The following RS1 variants were observed in gnomAD, a reference collection of about 807,000 sequenced individuals.
RS1 encodes retinoschisin 1.
A neutral mutation model predicts 20.8 loss-of-function variants in RS1; 2 were observed. That is an observed-to-expected ratio of 0.10 (90% CI 0.04 to 0.30). RS1 has a LOEUF of 0.30. RS1 is among the 10% of genes least tolerant of loss of function. The pLI, the probability that RS1 is intolerant of heterozygous loss-of-function variation, is 1.00. For synonymous variants in RS1, 70 were observed against 75.8 expected, an observed-to-expected ratio of 0.92 and a Z score of 0.40; for missense variants, 151 against 189.8, an observed-to-expected ratio of 0.80 and a Z score of 1.20.
intron 1 of RS1, among the ~76,000 whole-genome samples, chrX:18,666,973 C>G: frequency 9.0e-6 from 1 of 111,206 alleles, no homozygotes. Flanking sequence ...AGGGGACACC[C>G]CAGTGTTGAA....
intron 2 of RS1, 89 bp downstream of exon 2, chrX:18,657,551 C>A: frequency 1.4e-6 from 1 of 725,101 alleles, no homozygotes; most frequent in African/African-American, 2.1e-5. Context: ...CATTTAAAAA[C>A]AAAGTGATAG....
At chrX:18,670,517 G>A (rs752755067) in intron 1 of RS1, among the ~76,000 whole-genome samples, 1 of 110,748 alleles carries the variant, frequency 9.0e-6, no homozygotes, top group Non-Finnish European at 1.9e-5. Flanking sequence ...ATGAGCCACC[G>A]CGCCCCGCCG....
At position 18,641,316 on chromosome X, in the gene RS1, C is replaced by T. The variant is rs1052865204; in HGVS notation, c.*688G>A. On this transcript the variant is annotated 3_prime_UTR_variant, in exon 6 of 6. Coordinates refer to ENST00000379984, the MANE Select transcript of RS1 (RefSeq NM_000330.4). ...GCATAATGGAGCTGTGTGTATTGGG[C>T]GCTCTGGTCCCTCCCCAATCCCTGT... The T allele has an allele frequency of 1.8e-5, 2 of 113,348 alleles. No homozygotes were observed. The highest frequency in any genetic ancestry group is 6.5e-5 in the African/African-American group (2 of 30,756). The allele number at this position is 113,348 out of a possible 1,213,427, so 9.3% of individuals were successfully genotyped here.
Position 18,648,175 on chromosome X carries a change from A to G in RS1, c.185-843T>C, listed in dbSNP as rs942258145. 3.6e-5 allele frequency among the ~76,000 whole-genome samples: 4 copies of G among 110,881 alleles called. 1 individual carries two copies. The highest frequency in any genetic ancestry group is 1.3e-4 in the African/African-American group (4 of 30,516). On this transcript the variant is annotated intron_variant, in intron 3 of 5. Transcript: ENST00000379984. ...CGAGGTGGTGCCTGCAGTGGCAGGC[A>G]CAGTGTCGAGTTACCTGGTCAGAGG...
chrX:18,646,117 A>G, intron 4 of RS1: 2 of 1,211,214 alleles, frequency 1.7e-6, no homozygotes, highest in Non-Finnish European at 2.2e-6. Context: ...GCATGCCATC[A>G]AGCTGCCATA....
intron 1 of RS1, among the ~76,000 whole-genome samples, chrX:18,659,794 C>A (rs1211860914): frequency 9.0e-6 from 1 of 111,438 alleles, no homozygotes; most frequent in African/African-American, 3.3e-5. Flanking sequence ...GCCCTTGACC[C>A]TTTCTCTCCT....
chrX:18,660,010 A>G (rs1038153542), intron 1 of RS1, among the ~76,000 whole-genome samples: 2 of 111,505 alleles, frequency 1.8e-5, no homozygotes, highest in African/African-American at 6.5e-5. Flanking sequence ...TTACCATTAG[A>G]TCATACCCTT....
chrX:18,664,332 A>G (rs1380115966), intron 1 of RS1, among the ~76,000 whole-genome samples: 4 of 112,562 alleles, frequency 3.6e-5, no homozygotes, highest in African/African-American at 1.3e-4. Flanking sequence ...ATCCATTAAA[A>G]AACGTACAAA....
intron 4 of RS1, among the ~76,000 whole-genome samples, chrX:18,645,566 T>C (rs930074467): frequency 3.5e-4 from 38 of 109,533 alleles, no homozygotes; most frequent in African/African-American, 1.2e-3. Flanking sequence ...ATCTATTGGC[T>C]CCATCTCCAA....
At position 18,646,001 on chromosome X, in the gene RS1, A is replaced by G. The variant is rs371658418; in HGVS notation, c.326+1190T>C. 2 of 1,211,197 alleles carry G rather than the reference A, an allele frequency of 1.7e-6. No homozygotes were observed. Among genetic ancestry groups the G allele is most frequent in the Non-Finnish European group, 2.2e-6 (2 of 895,318 alleles). ...TGCTGCTCTTTTGTTTCTCCCCACT[A>G]ACTAGACGGTGGATGTGATGGCAGA... On this transcript the variant is annotated intron_variant, in intron 4 of 5. Transcript: ENST00000379984.
At chrX:18,650,349 G>C (rs1927974737) in intron 3 of RS1, 1 of 1,112,900 alleles carries the variant, frequency 9.0e-7, no homozygotes, top group Non-Finnish European at 1.2e-6. Context: ...TGGTGTCTGG[G>C]AGCCGATGCC....
chrX:18,654,707 G>A lies in RS1; in HGVS notation c.184+1946C>T, dbSNP rs150927089. Among the ~76,000 whole-genome samples, 728 of 111,442 alleles carry A rather than the reference G, an allele frequency of 6.5e-3. 9 individuals carry two copies. The highest frequency in any genetic ancestry group is 0.023 in the African/African-American group (691 of 30,647). On this transcript the variant is annotated intron_variant, in intron 3 of 5. Transcript: ENST00000379984. ...GTGAGCTCATGCCATGGAGCCTGAGGGGATGTCTGATAGGAAAAGCCCACC... is the reference window on the plus strand; with the variant it reads ...GTGAGCTCATGCCATGGAGCCTGAGAGGATGTCTGATAGGAAAAGCCCACC...
chrX:18,652,097 C>A (rs956200166), intron 3 of RS1, among the ~76,000 whole-genome samples: 1 of 111,103 alleles, frequency 9.0e-6, no homozygotes, highest in Non-Finnish European at 1.9e-5. Context: ...CCCTCGCCTG[C>A]CTCCCTCCCC....
chrX:18,648,794 G>A (rs768119216), intron 3 of RS1, among the ~76,000 whole-genome samples: 19 of 111,343 alleles, frequency 1.7e-4, no homozygotes, highest in South Asian at 1.1e-3. Flanking sequence ...GGGTAAGGCC[G>A]AGAGAACTGC....
chrX:18,665,578 G>T (rs1436284108), intron 1 of RS1, among the ~76,000 whole-genome samples: 3 of 110,613 alleles, frequency 2.7e-5, no homozygotes, highest in African/African-American at 9.9e-5. Context: ...CTATAAAGAG[G>T]ACGTTTCCTG....
intron 3 of RS1, chrX:18,650,633 G>A (rs752986338): frequency 4.2e-6 from 5 of 1,185,137 alleles, no homozygotes; most frequent in Admixed American, 2.2e-5. Flanking sequence ...AGCCTGGGCT[G>A]TACCTCGGAA....
intron 1 of RS1, among the ~76,000 whole-genome samples, chrX:18,667,599 A>G (rs1928426154): frequency 9.1e-6 from 1 of 110,287 alleles, no homozygotes; most frequent in Non-Finnish European, 1.9e-5. Context: ...ACCAAAGGCA[A>G]GGGGTGTTGG....
chrX:18,650,125 T>G, intron 3 of RS1: 1 of 386,377 alleles, frequency 2.6e-6, no homozygotes, highest in Non-Finnish European at 4.6e-6. Context: ...TTTTGCCATT[T>G]CTTCCCAAAT....
chrX:18,652,051 C>T (rs1409869975), intron 3 of RS1, among the ~76,000 whole-genome samples: 3 of 110,544 alleles, frequency 2.7e-5, no homozygotes, highest in Non-Finnish European at 5.7e-5. Context: ...ACCTGTCACG[C>T]ACCCCTCCTC....
Sources: allele counts gnomAD v4.1 joint callset (sites outside exome capture counted in the v4.1 genomes callset), GRCh38; gene constraint gnomAD v4.1.1; transcripts MANE v1.5; gene names NCBI Gene and HGNC (gene_info 2026-07-23, HGNC 2026-07-21).